SCP2: variants seen among roughly 807,000 people sequenced by gnomAD.
SCP2 encodes the protein SCP-2/3-oxoacyl-CoA thiolase.
Under a neutral mutation model 71.4 loss-of-function variants are expected in SCP2, and 48 were observed. The observed-to-expected ratio is 0.67, with a 90% CI of 0.53 to 0.86. The LOEUF is 0.86. Ranked by LOEUF, SCP2 falls within the 40% of genes least tolerant of loss-of-function variation. SCP2 has a pLI of 0.00. For synonymous variants in SCP2, 220 were observed against 218.1 expected, an observed-to-expected ratio of 1.01 and a Z score of -0.08; for missense variants, 560 against 655.6, an observed-to-expected ratio of 0.85 and a Z score of 1.59.
intron 1 of SCP2, among the ~76,000 whole-genome samples, chr1:52,935,572 A>C (rs1452865132): frequency 6.9e-6 from 1 of 145,056 alleles, no homozygotes; most frequent in Non-Finnish European, 1.5e-5. Flanking sequence ...CCTCAGCCAC[A>C]GTGCGAGACT....
At chr1:52,976,604 A>C (rs1428836561) in intron 7 of SCP2, 79 bp from the exon 8 acceptor site, 1 of 795,400 alleles carries the variant, frequency 1.3e-6, no homozygotes, top group Non-Finnish European at 2.3e-6. Context: ...ATATTTACAT[A>C]TTATTCTGTT....
chr1:52,995,405 C>T (rs940533000), intron 11 of SCP2: 128 of 457,314 alleles, frequency 2.8e-4, no homozygotes, highest in Admixed American at 1.3e-4. Flanking sequence ...CTTGTCTCAG[C>T]CACCACAAGC....
intron 6 of SCP2, among the ~76,000 whole-genome samples, chr1:52,973,234 T>C (rs539705152): frequency 1.6e-4 from 24 of 152,290 alleles, no homozygotes; most frequent in Admixed American, 1.2e-3. Context: ...AATCCTCTTC[T>C]AGATGGTCAT....
At chr1:52,978,481 G>A in intron 9 of SCP2, 114 bp downstream of exon 9, 3 of 852,414 alleles carry the variant, frequency 3.5e-6, no homozygotes, top group Non-Finnish European at 5.6e-6. Context: ...CATGCTATTT[G>A]TCATTATTTT....
At position 53,050,745 on chromosome 1, in the gene SCP2, T is replaced by C. The variant is rs761268397; in HGVS notation, c.*41T>C. ...TACTTTTGAAAATCAAGATGAGATA[T>C]ATAGATATATATCCATACATTTTAT... On this transcript the variant is annotated 3_prime_UTR_variant, in exon 16 of 16. Coordinates refer to ENST00000371514, the MANE Select transcript of SCP2 (RefSeq NM_002979.5). The C allele has an allele frequency of 6.8e-5, 82 of 1,210,926 alleles. No individual in the cohort carries two copies. The Middle Eastern group carries it at 7.5e-4, about 11-fold the overall frequency. The allele number at this position is 1,210,926 out of a possible 1,614,324, so 75.0% of individuals were successfully genotyped here. A position where few individuals can be genotyped will look rare whatever the true frequency, so the allele number is the denominator to read the frequency against.
intron 1 of SCP2, 53 bp from the exon 2 acceptor site, chr1:52,941,743 A>G (rs1028344671): frequency 6.8e-5 from 90 of 1,327,662 alleles, no homozygotes; most frequent in Non-Finnish European, 8.7e-5. Flanking sequence ...TCAAAAAAAA[A>G]AAAAAATGTA....
chr1:52,990,100 A>G (rs377180068), intron 11 of SCP2, among the ~76,000 whole-genome samples: 4 of 152,232 alleles, frequency 2.6e-5, no homozygotes, highest in African/African-American at 4.8e-5. Flanking sequence ...GGAAGAGAAA[A>G]TTCAGTGGCC....
intron 1 of SCP2, among the ~76,000 whole-genome samples, chr1:52,930,869 A>C (rs144953120): frequency 2.0e-5 from 3 of 152,262 alleles, no homozygotes; most frequent in Admixed American, 6.5e-5. Context: ...ACTGTATATT[A>C]CTGTTATAAT....
At position 53,050,712 on chromosome 1, in the gene SCP2, C is replaced by G; in HGVS notation, c.*8C>G. On this transcript the variant is annotated 3_prime_UTR_variant, in exon 16 of 16. Transcript: ENST00000371514. ...GGCAACGCTAAGCTCTGAAGAACTC[C>G]CTTTGGCTACTTTTGAAAATCAAGA... The G allele has an allele frequency of 3.8e-6, 6 of 1,579,704 alleles. No homozygotes were observed. The highest frequency in any genetic ancestry group is 5.2e-6 in the Non-Finnish European group (6 of 1,149,308).
chr1:52,960,632 ATG>A (rs1427068862), intron 5 of SCP2, among the ~76,000 whole-genome samples: 2 of 141,788 alleles, frequency 1.4e-5, no homozygotes, highest in South Asian at 2.1e-4. Flanking sequence ...GTATGTATAT[ATG>A]TGTATATATG....
At chr1:52,997,730 G>A (rs913766277) in intron 11 of SCP2, among the ~76,000 whole-genome samples, 6 of 152,102 alleles carry the variant, frequency 3.9e-5, no homozygotes, top group Non-Finnish European at 8.8e-5. Context: ...ACAACTCTGT[G>A]AATACACTAA....
chr1:53,014,265 A>G (rs1051461972), intron 11 of SCP2, among the ~76,000 whole-genome samples: 3 of 152,056 alleles, frequency 2.0e-5, no homozygotes, highest in African/African-American at 7.2e-5. Context: ...AAGGCAAACA[A>G]ATATACATCT....
Position 53,028,084 on chromosome 1 carries a change from T to A in SCP2, c.1338+13T>A. 1 of 1,440,144 alleles carries A rather than the reference T, an allele frequency of 6.9e-7. No homozygotes were observed. Among genetic ancestry groups the A allele is most frequent in the Non-Finnish European group, 9.8e-7 (1 of 1,022,340 alleles). The allele number at this position is 1,440,144 out of a possible 1,614,324, so 89.2% of individuals were successfully genotyped here. On this transcript the variant is annotated intron_variant, in intron 13 of 15. Transcript: ENST00000371514. ...GAAACTTGAAGAGGTAAGATTTATGTAAAATATTGCCAGGAAGGACCTTGA... is the reference window on the plus strand; with the variant it reads ...GAAACTTGAAGAGGTAAGATTTATGAAAAATATTGCCAGGAAGGACCTTGA...
intron 11 of SCP2, chr1:52,995,042 A>C (rs1659826341): frequency 4.0e-6 from 2 of 505,726 alleles, no homozygotes; most frequent in Non-Finnish European, 8.0e-6. Flanking sequence ...AAAGGCCACT[A>C]CATAGAGGGG....
intron 1 of SCP2, among the ~76,000 whole-genome samples, chr1:52,930,108 C>T (rs1033442299): frequency 4.6e-5 from 7 of 152,174 alleles, no homozygotes; most frequent in Admixed American, 4.6e-4. Flanking sequence ...TTACACTGGT[C>T]ACCTTTTTTG....
intron 1 of SCP2, among the ~76,000 whole-genome samples, chr1:52,930,417 G>T (rs1007274246): frequency 3.9e-5 from 6 of 151,974 alleles, no homozygotes; most frequent in Admixed American, 1.3e-4. Context: ...TTGAGCCCAG[G>T]GTTTGAGAAC....
chr1:53,044,413 A>G (rs7533000), intron 14 of SCP2, among the ~76,000 whole-genome samples: 14,702 of 152,238 alleles, frequency 0.097, 1,403 homozygotes, highest in African/African-American at 0.21. Context: ...TTATGACATA[A>G]TTTGATCATC....
At chr1:52,954,620 G>A in intron 4 of SCP2, 120 bp from the exon 5 acceptor site, 1 of 838,196 alleles carries the variant, frequency 1.2e-6, no homozygotes, top group Non-Finnish European at 2.1e-6. Context: ...AAACTGATGG[G>A]ACTATAAGTT....
chr1:52,958,048 G>A (rs1265287879), intron 5 of SCP2, among the ~76,000 whole-genome samples: 3 of 151,944 alleles, frequency 2.0e-5, no homozygotes, highest in African/African-American at 7.3e-5. Flanking sequence ...CCATTATATT[G>A]CCTTTGCTTC....
Sources: gnomAD v4.1 joint callset for allele counts (sites outside exome capture counted in the v4.1 genomes callset) on GRCh38, gnomAD v4.1.1 for gene constraint, MANE v1.5 for transcripts, NCBI Gene and HGNC (gene_info 2026-07-23, HGNC 2026-07-21) for gene names.